Variants in BIN3 observed in about 807,000 individuals in gnomAD.
BIN3 encodes bridging integrator 3.
BIN3 carries 41 observed loss-of-function variants against 38.2 expected under a neutral mutation model. That is an observed-to-expected ratio of 1.07 (90% CI 0.84 to 1.39). The LOEUF is 1.39. Ranked by LOEUF, BIN3 falls within the 40% of genes most tolerant of loss-of-function variation. The probability of loss-of-function intolerance (pLI) is 0.00; values close to 1 mark genes in which losing one functional copy is unlikely to be tolerated. For missense variants in BIN3, 361 were observed against 324.3 expected (o/e 1.11, Z -0.87); for synonymous variants, 145 against 122.6 (o/e 1.18, Z -1.21).
chr8:22,655,524 T>G (rs1367073478), intron 1 of BIN3, among the ~76,000 whole-genome samples: 12 of 152,224 alleles, frequency 7.9e-5, no homozygotes, highest in Admixed American at 7.9e-4. Context: ...CACTGTTTGT[T>G]GAAGATTATT....
chr8:22,645,519 G>A (rs1398744146), intron 1 of BIN3, among the ~76,000 whole-genome samples: 1 of 151,164 alleles, frequency 6.6e-6, no homozygotes, highest in Non-Finnish European at 1.5e-5. Flanking sequence ...GGGAAGAAAG[G>A]GGAAGGGGAG....
chr8:22,651,541 A>G (rs1338890822), intron 1 of BIN3, among the ~76,000 whole-genome samples: 1 of 152,154 alleles, frequency 6.6e-6, no homozygotes, highest in Non-Finnish European at 1.5e-5. Context: ...GCACATCCTA[A>G]AACCTTGTTC....
intron 1 of BIN3, among the ~76,000 whole-genome samples, chr8:22,648,938 T>TGTATGTAA (rs1474090503): frequency 6.6e-5 from 10 of 151,800 alleles, no homozygotes; most frequent in African/African-American, 2.4e-4. Flanking sequence ...TATGTATGTA[T>TGTATGTAA]GTAAGTGTGT....
chr8:22,655,445 A>C (rs1378813970), intron 1 of BIN3, among the ~76,000 whole-genome samples: 1 of 152,182 alleles, frequency 6.6e-6, no homozygotes, highest in Non-Finnish European at 1.5e-5. Context: ...TTTTGAGTTA[A>C]TTTTTAAATA....
chr8:22,652,833 C>T (rs1378613530), intron 1 of BIN3, among the ~76,000 whole-genome samples: 1 of 152,156 alleles, frequency 6.6e-6, no homozygotes, highest in Non-Finnish European at 1.5e-5. Context: ...ATCTTTGTCT[C>T]CCTACATTTT....
chr8:22,665,156 T>C (rs1803375034), intron 1 of BIN3, among the ~76,000 whole-genome samples: 1 of 152,024 alleles, frequency 6.6e-6, no homozygotes, highest in Admixed American at 6.6e-5. Context: ...GAGTGGAGGA[T>C]CAGAAGGAGT....
At chr8:22,668,569 A>G (rs1803502963) in intron 1 of BIN3, among the ~76,000 whole-genome samples, 1 of 152,190 alleles carries the variant, frequency 6.6e-6, no homozygotes. Context: ...TGTCTTTTGA[A>G]GCCTGCTAAG....
chr8:22,632,987 G>A (rs1425349362), intron 4 of BIN3, among the ~76,000 whole-genome samples: 1 of 152,184 alleles, frequency 6.6e-6, no homozygotes, highest in Non-Finnish European at 1.5e-5. Context: ...GGGATTACAG[G>A]TGTGAGCCAC....
At chr8:22,630,123 G>T in intron 5 of BIN3, 119 bp from the exon 6 acceptor site, 2 of 1,164,628 alleles carry the variant, frequency 1.7e-6, no homozygotes, top group Non-Finnish European at 2.5e-6. Context: ...TGCTGTCCTT[G>T]TCCTGGGCCT....
chr8:22,632,204 G>A (rs1585182828), intron 4 of BIN3, among the ~76,000 whole-genome samples: 1 of 152,214 alleles, frequency 6.6e-6, no homozygotes, highest in African/African-American at 2.4e-5. Flanking sequence ...CATGACATAA[G>A]GTCTGCCTCC....
intron 1 of BIN3, among the ~76,000 whole-genome samples, chr8:22,652,821 C>G (rs965552883): frequency 1.3e-5 from 2 of 152,202 alleles, no homozygotes; most frequent in Non-Finnish European, 2.9e-5. Flanking sequence ...TAACACACCT[C>G]TATCTTTGTC....
chr8:22,640,174 T>C (rs1276794789), intron 2 of BIN3, among the ~76,000 whole-genome samples: 2 of 150,910 alleles, frequency 1.3e-5, no homozygotes, highest in African/African-American at 4.9e-5. Context: ...GCTGGACACA[T>C]CCTTCTTCTT....
At chr8:22,656,914 CT>C (rs1488991540) in intron 1 of BIN3, among the ~76,000 whole-genome samples, 1 of 152,192 alleles carries the variant, frequency 6.6e-6, no homozygotes, top group African/African-American at 2.4e-5. Flanking sequence ...CTAATTAACT[CT>C]GATGTGTGAA....
At chr8:22,621,600 G>A in intron 8 of BIN3, 32 bp from the exon 9 acceptor site, 1 of 1,608,124 alleles carries the variant, frequency 6.2e-7, no homozygotes, top group Non-Finnish European at 8.5e-7. Context: ...GGCACGTGCT[G>A]GCTCCAGGGA....
chr8:22,629,830 GT>G lies in BIN3; in HGVS notation c.338+133del, dbSNP rs1402736945. 5.8e-6 allele frequency: 5 copies of G among 865,576 alleles called. No homozygotes were observed. In the African/African-American group the frequency reaches 8.4e-5, roughly 15 times the overall value. 53.6% of individuals were successfully genotyped at this position (865,576 alleles called of 1,614,324 possible). On this transcript the variant is annotated intron_variant, in intron 6 of 8. Coordinates refer to ENST00000276416, the MANE Select transcript of BIN3 (RefSeq NM_018688.6). ...TTAGGCCACAGGTCACAGAGCTGACGTCCCCACTGAGTTTCCCGTCAGGCCC... is the reference window on the plus strand; with the variant it reads ...TTAGGCCACAGGTCACAGAGCTGACGCCCCACTGAGTTTCCCGTCAGGCCC...
chr8:22,650,762 A>C (rs1298740281), intron 1 of BIN3, among the ~76,000 whole-genome samples: 1 of 152,244 alleles, frequency 6.6e-6, no homozygotes, highest in Non-Finnish European at 1.5e-5. Flanking sequence ...TAGGCACTAA[A>C]AATCTACTTT....
At chr8:22,635,449 G>A (rs552598120) in intron 4 of BIN3, among the ~76,000 whole-genome samples, 11 of 152,166 alleles carry the variant, frequency 7.2e-5, no homozygotes, top group African/African-American at 2.6e-4. Context: ...TCAGGTCCTC[G>A]TCCCAGTGTG....
intron 1 of BIN3, among the ~76,000 whole-genome samples, chr8:22,666,103 G>C (rs1156642843): frequency 6.6e-6 from 1 of 151,938 alleles, no homozygotes; most frequent in Non-Finnish European, 1.5e-5. Flanking sequence ...TGGACCCCTA[G>C]GTATAGGGAG....
chr8:22,646,917 G>A (rs1433012066), intron 1 of BIN3, among the ~76,000 whole-genome samples: 1 of 148,858 alleles, frequency 6.7e-6, no homozygotes, highest in African/African-American at 2.6e-5. Flanking sequence ...GGACCACTCT[G>A]GAGACATTGC....
Sources: allele counts gnomAD v4.1 joint callset (sites outside exome capture counted in the v4.1 genomes callset), GRCh38; gene constraint gnomAD v4.1.1; transcripts MANE v1.5; gene names NCBI Gene and HGNC (gene_info 2026-07-23, HGNC 2026-07-21).